Variants in SPIB observed in about 807,000 individuals in gnomAD.
SPIB encodes transcription factor Spi-B.
In SPIB, 7 loss-of-function variants were observed where a neutral mutation model predicts 31.9. The observed-to-expected ratio is 0.22, with a 90% confidence interval of 0.12 to 0.41. The LOEUF (loss-of-function observed/expected upper bound fraction) is 0.41, where lower values mean the gene tolerates loss of function less well. SPIB is among the 10% of genes least tolerant of loss of function. The pLI, the probability that SPIB is intolerant of heterozygous loss-of-function variation, is 1.00. For missense variants in SPIB, 327 were observed against 360.2 expected (o/e 0.91, Z 0.75); for synonymous variants, 176 against 158.9 (o/e 1.11, Z -0.81).
At chr19:50,427,168 C>T (rs536745306) in intron 5 of SPIB, among the ~76,000 whole-genome samples, 2 of 151,884 alleles carry the variant, frequency 1.3e-5, no homozygotes, top group East Asian at 3.9e-4. Flanking sequence ...GTCACCACCC[C>T]AAGGTCACAC....
In SPIB at chr19:50,430,437, G is replaced by A; in HGVS notation, c.*2101G>A. 6.6e-6 allele frequency: 1 copy of A among 152,308 alleles called. No individual in the cohort carries two copies. Among genetic ancestry groups the A allele is most frequent in the Non-Finnish European group, 1.5e-5 (1 of 68,094 alleles). 9.4% of individuals were successfully genotyped at this position (152,308 alleles called of 1,614,324 possible). On this transcript the variant is annotated 3_prime_UTR_variant, in exon 6 of 6. Transcript: ENST00000595883. The stretch of plus-strand genomic sequence containing the variant: ...TTCTGTGAAAAAGGGAGAGAAGGAG[G>A]AGGAAGATCTCAAAAAGACTTTCCA...
intron 5 of SPIB, among the ~76,000 whole-genome samples, chr19:50,426,048 A>G (rs1040358187): frequency 6.6e-6 from 1 of 152,066 alleles, no homozygotes. Flanking sequence ...GTCTCTACTA[A>G]AAATACAAAA....
At position 50,429,581 on chromosome 19, in the gene SPIB, C is replaced by T. The variant is rs912120837; in HGVS notation, c.*1245C>T. 6.6e-6 allele frequency: 1 copy of T among 152,370 alleles called. No individual in the cohort carries two copies. Among genetic ancestry groups the T allele is most frequent in the Non-Finnish European group, 1.5e-5 (1 of 68,198 alleles). 9.4% of individuals were successfully genotyped at this position (152,370 alleles called of 1,614,324 possible). On this transcript the variant is annotated 3_prime_UTR_variant, in exon 6 of 6. Transcript: ENST00000595883. ...AATTAGCCGAGCGTGGGGGTGAACA[C>T]CTGTGGTCCCAGCTGCTCAGGAGGC... is the stretch of plus-strand genomic sequence containing the variant.
intron 2 of SPIB, among the ~76,000 whole-genome samples, chr19:50,420,183 ATC>A (rs2039476895): frequency 6.6e-6 from 1 of 151,910 alleles, no homozygotes; most frequent in East Asian, 1.9e-4. Context: ...GTGGCTTTGT[ATC>A]TCTCTCTGCC....
intron 2 of SPIB, among the ~76,000 whole-genome samples, chr19:50,420,409 G>T (rs1022816630): frequency 1.3e-5 from 2 of 150,828 alleles, no homozygotes; most frequent in African/African-American, 2.4e-5. Flanking sequence ...TGTTTTTTTT[G>T]TTTGTTTTTG....
chr19:50,428,038 G>C lies in SPIB; in HGVS notation c.491G>C (p.Gly164Ala). Residue 164 changes from glycine (G) to alanine (A), a missense_variant and splice_region_variant, in exon 6 of 6, where the codon GGG becomes GCG. Around this residue, in one of 4 missense-constraint regions of SPIB, gnomAD observed 238 missense variants for 228.8 expected, o/e 1.04. Transcript: ENST00000595883. The surrounding 1 kb of genome is among the most constrained non-coding windows in gnomAD (Gnocchi z 6.5). ...ACGCGTGCCCCCGACCCCACCGCAG[G>C]GACTCGCAAGAAGCTGCGCCTGTAC... Reference protein sequence around the residue: ...AGPEGKGSEAGTRKKLRLYQF... With the variant: ...AGPEGKGSEAATRKKLRLYQF... The C allele has an allele frequency of 6.6e-7, 1 of 1,516,404 alleles. No individual in the cohort carries two copies. Among genetic ancestry groups the C allele is most frequent in the Non-Finnish European group, 8.9e-7 (1 of 1,125,558 alleles). The allele number at this position is 1,516,404 out of a possible 1,614,324, so 93.9% of individuals were successfully genotyped here.
At chr19:50,422,789 C>A in intron 3 of SPIB, 34 bp from the exon 4 acceptor site, 1 of 1,404,372 alleles carries the variant, frequency 7.1e-7, no homozygotes, top group Non-Finnish European at 9.8e-7. Flanking sequence ...CTCCGTGAGA[C>A]ATCCCAGCTT....
At position 50,428,707 on chromosome 19, in the gene SPIB, G is replaced by C. The variant is rs1137895; in HGVS notation, c.*371G>C. The C allele has an allele frequency of 0.28, 67,951 of 240,828 alleles. 12,267 individuals are homozygous for C. The highest frequency in any genetic ancestry group is 0.56 in the African/African-American group (24,968 of 44,698). 14.9% of individuals were successfully genotyped at this position (240,828 alleles called of 1,614,324 possible). A position where few individuals can be genotyped will look rare whatever the true frequency, so the allele number is the denominator to read the frequency against. On this transcript the variant is annotated 3_prime_UTR_variant, in exon 6 of 6. Coordinates refer to ENST00000595883, the MANE Select transcript of SPIB (RefSeq NM_003121.5). The surrounding 1 kb of genome is among the most constrained non-coding windows in gnomAD (Gnocchi z 6.5). The stretch of plus-strand genomic sequence containing the variant: ...CTGATTCCCCAGTGAGGCCTGGGAC[G>C]TTTTTAAGATCGCTGTGTGTCTGTA...
chr19:50,426,680 A>C (rs1402942516), intron 5 of SPIB, among the ~76,000 whole-genome samples: 1 of 151,940 alleles, frequency 6.6e-6, no homozygotes, highest in Non-Finnish European at 1.5e-5. Flanking sequence ...TTTTTAGTAG[A>C]AACCGGGTTT....
At chr19:50,421,535 C>A (rs1178301574) in intron 2 of SPIB, among the ~76,000 whole-genome samples, 2 of 151,890 alleles carry the variant, frequency 1.3e-5, no homozygotes, top group Admixed American at 6.6e-5. Context: ...GTTGGCCAGG[C>A]TGGTATCGAT....
At position 50,422,513 on chromosome 19, in the gene SPIB, AT is replaced by A; in HGVS notation, c.94del (p.Ser32ProfsTer148). 1 of 1,614,034 alleles carries A rather than the reference AT, an allele frequency of 6.2e-7. No individual in the cohort carries two copies. The highest frequency in any genetic ancestry group is 8.5e-7 in the Non-Finnish European group (1 of 1,179,954). ...TTCTATGACCTGGACAGCTGCAAGCATTCCAGCTACCCTGATTCAGAGGGGG... is the reference window on the plus strand; with the variant it reads ...TTCTATGACCTGGACAGCTGCAAGCATCCAGCTACCCTGATTCAGAGGGGG... ...GVFYDLDSCK[H>X]SSYPDSEGAP... is the part of the protein sequence containing the mutation. On this transcript the variant is annotated frameshift_variant, in exon 3 of 6. Transcript: ENST00000595883. LOFTEE classifies it high-confidence loss of function.
At chr19:50,423,507 G>A in intron 4 of SPIB, 98 bp from the exon 5 acceptor site, 1 of 1,499,238 alleles carries the variant, frequency 6.7e-7, no homozygotes, top group Admixed American at 2.0e-5. Context: ...AACAAAGAGG[G>A]AGACCAGAGC....
At position 50,428,038 on chromosome 19, in the gene SPIB, G is replaced by A; in HGVS notation, c.491G>A (p.Gly164Glu). ...AGPEGKGSEA[G>E]TRKKLRLYQF... ...ACGCGTGCCCCCGACCCCACCGCAG[G>A]GACTCGCAAGAAGCTGCGCCTGTAC... Residue 164 changes from glycine (G) to glutamate (E), a missense_variant and splice_region_variant, in exon 6 of 6, where the codon GGG becomes GAG. Coordinates refer to ENST00000595883, the MANE Select transcript of SPIB (RefSeq NM_003121.5). This position sits in a 1 kb window ranked among gnomAD's most constrained non-coding sequence, Gnocchi z 6.5. 6.6e-7 allele frequency: 1 copy of A among 1,516,404 alleles called. No individual in the cohort carries two copies. Among genetic ancestry groups the A allele is most frequent in the Non-Finnish European group, 8.9e-7 (1 of 1,125,558 alleles). The allele number at this position is 1,516,404 out of a possible 1,614,324, so 93.9% of individuals were successfully genotyped here.
chr19:50,426,623 A>G (rs906152664), intron 5 of SPIB, among the ~76,000 whole-genome samples: 2 of 151,974 alleles, frequency 1.3e-5, no homozygotes, highest in African/African-American at 4.8e-5. Context: ...CCTCCCAAGT[A>G]GCTGGGATTA....
rs2039595277 is a variant in SPIB at position 50,428,247 on chromosome 19, T to TACGCCGAAACC, written c.705_706insGAAACCACGCC (p.Lys236GlufsTer64). 1 of 1,558,100 alleles carries TACGCCGAAACC rather than the reference T, an allele frequency of 6.4e-7. No homozygotes were observed. On this transcript the variant is annotated frameshift_variant, in exon 6 of 6. Coordinates refer to ENST00000595883, the MANE Select transcript of SPIB (RefSeq NM_003121.5). LOFTEE classifies it high-confidence loss of function. This position sits in a 1 kb window ranked among gnomAD's most constrained non-coding sequence, Gnocchi z 6.5. ...GAAGCTGGCGCGCGCCCTCCGAAACTACGCCAAGACCGGCGAGATCCGCAA... is the reference window on the plus strand; with the variant it reads ...GAAGCTGGCGCGCGCCCTCCGAAACTACGCCGAAACCACGCCAAGACCGGCGAGATCCGCAA...
At chr19:50,424,294 A>C (rs2122550258) in intron 5 of SPIB, among the ~76,000 whole-genome samples, 1 of 152,322 alleles carries the variant, frequency 6.6e-6, no homozygotes, top group Admixed American at 6.5e-5. Context: ...CAATGAGCTC[A>C]TAACTGTAAA....
chr19:50,422,940 C>T lies in SPIB; in HGVS notation c.242C>T (p.Pro81Leu). 1 of 1,594,762 alleles carries T rather than the reference C, an allele frequency of 6.3e-7. No individual in the cohort carries two copies. Among genetic ancestry groups the T allele is most frequent in the African/African-American group, 1.3e-5 (1 of 74,608 alleles). ...GCTGCCCAGCTCTGCTACGAACCCC[C>T]CACCTACAGCCCTGCAGGGAACCTC... ...PQAAQLCYEP[P>L]TYSPAGNLEL... Residue 81 changes from proline (P) to leucine (L), a missense_variant, in exon 4 of 6, where the codon CCC (proline) becomes CTC (leucine). Coordinates refer to ENST00000595883, the MANE Select transcript of SPIB (RefSeq NM_003121.5).
intron 2 of SPIB, 38 bp downstream of exon 2, chr19:50,420,011 C>T (rs2039474436): frequency 7.0e-7 from 1 of 1,430,002 alleles, no homozygotes; most frequent in Non-Finnish European, 9.2e-7. Flanking sequence ...AGGGGTGGCC[C>T]ACAGTGACCT....
intron 2 of SPIB, among the ~76,000 whole-genome samples, chr19:50,421,895 G>T (rs536921763): frequency 6.6e-6 from 1 of 152,076 alleles, no homozygotes; most frequent in East Asian, 1.9e-4. Flanking sequence ...GATTACAGGC[G>T]TGCGCCACCA....
Sources: gnomAD v4.1 joint callset for allele counts (sites outside exome capture counted in the v4.1 genomes callset) on GRCh38, gnomAD v4.1.1 for gene constraint, gnomAD v4.1.1 regional missense constraint, Gnocchi (gnomAD v3.1) non-coding constraint, MANE v1.5 for transcripts, NCBI Gene and HGNC (gene_info 2026-07-23, HGNC 2026-07-21) for gene names.